ELAPOR1: variants seen among roughly 807,000 people sequenced by gnomAD.
ELAPOR1 encodes endosome-lysosome associated apoptosis and autophagy regulator 1.
A neutral mutation model predicts 119.7 loss-of-function variants in ELAPOR1; 77 were observed. That is an observed-to-expected ratio of 0.64 (90% confidence interval 0.54 to 0.78). The LOEUF is 0.78. ELAPOR1 is among the 30% of genes least tolerant of loss of function. The probability of loss-of-function intolerance (pLI) is 0.00; values close to 1 mark genes in which losing one functional copy is unlikely to be tolerated. For missense variants in ELAPOR1, 1,115 were observed against 1,270.4 expected (o/e 0.88, Z 1.86); for synonymous variants, 481 against 487.2 (o/e 0.99, Z 0.17).
At chr1:109,164,846 G>A (rs975931476) in intron 3 of ELAPOR1, among the ~76,000 whole-genome samples, 155 bp downstream of exon 3, 11 of 152,196 alleles carry the variant, frequency 7.2e-5, no homozygotes, top group Admixed American at 5.9e-4. Flanking sequence ...AGCTGTGCCC[G>A]CAAGACCAGT....
chr1:109,186,930 G>A (rs1271736371), intron 8 of ELAPOR1: 32 of 985,408 alleles, frequency 3.2e-5, no homozygotes, highest in Non-Finnish European at 3.9e-5. Flanking sequence ...CCGCCTTGCA[G>A]CACAGCCAAG....
chr1:109,139,986 C>G (rs550438043), intron 1 of ELAPOR1, among the ~76,000 whole-genome samples: 1 of 152,308 alleles, frequency 6.6e-6, no homozygotes, highest in East Asian at 1.9e-4. Flanking sequence ...TGGTCTCGAA[C>G]TCCTGAGCTC....
At chr1:109,188,113 G>A (rs2101103144) in intron 8 of ELAPOR1, 64 bp from the exon 9 acceptor site, 3 of 1,539,614 alleles carry the variant, frequency 1.9e-6, no homozygotes, top group Non-Finnish European at 2.6e-6. Context: ...CTATCCTCAA[G>A]GTAGAGTCCC....
intron 1 of ELAPOR1, 152 bp downstream of exon 1, chr1:109,114,488 C>A: frequency 1.1e-6 from 1 of 920,180 alleles, no homozygotes; most frequent in Non-Finnish European, 1.6e-6. Flanking sequence ...AGGAGCCAGT[C>A]TGGCGTCATG....
chr1:109,114,155 C>G lies in ELAPOR1; in HGVS notation c.-29C>G. 6.6e-7 allele frequency: 1 copy of G among 1,516,514 alleles called. No individual in the cohort carries two copies. Among genetic ancestry groups the G allele is most frequent in the Non-Finnish European group, 8.9e-7 (1 of 1,128,456 alleles). 93.9% of individuals were successfully genotyped at this position (1,516,514 alleles called of 1,614,324 possible). ...GAAGCAGCAGCCGCAGCACCTGAGC[C>G]GCTACTGCCGCTCACTCAGGACAAC... is the stretch of plus-strand genomic sequence containing the variant. On this transcript the variant is annotated 5_prime_UTR_variant, in exon 1 of 22. Coordinates refer to ENST00000369939, the MANE Select transcript of ELAPOR1 (RefSeq NM_020775.5).
chr1:109,203,217 CTTTG>C lies in ELAPOR1; in HGVS notation c.*211_*214del. The C allele has an allele frequency of 5.6e-6, 3 of 539,488 alleles. No individual in the cohort carries two copies. Among genetic ancestry groups the C allele is most frequent in the South Asian group, 2.8e-5 (1 of 36,040 alleles). 33.4% of individuals were successfully genotyped at this position (539,488 alleles called of 1,614,324 possible). On this transcript the variant is annotated 3_prime_UTR_variant, in exon 22 of 22. Coordinates refer to ENST00000369939, the MANE Select transcript of ELAPOR1 (RefSeq NM_020775.5). ...CTCAAACCTGCCAAATATACCCACA[CTTTG>C]TTTGTAAATTATGCCCTTGCTTGTA... is the stretch of plus-strand genomic sequence containing the variant.
At position 109,185,223 on chromosome 1, in the gene ELAPOR1, A is replaced by G. The variant is rs1652973698; in HGVS notation, c.1041+90A>G. The G allele has an allele frequency of 2.4e-5, 24 of 1,000,020 alleles. No individual in the cohort carries two copies. The South Asian group carries it at 3.1e-4, about 13-fold the overall frequency. 61.9% of individuals were successfully genotyped at this position (1,000,020 alleles called of 1,614,324 possible). The stretch of plus-strand genomic sequence containing the variant: ...CCACCATTTGGAACTTCAGCAGTCA[A>G]TGACATTGGCACTAGTTAAAACCCC... On this transcript the variant is annotated intron_variant, in intron 8 of 21. Coordinates refer to ENST00000369939, the MANE Select transcript of ELAPOR1 (RefSeq NM_020775.5).
rs5776967 is a variant in ELAPOR1 at position 109,197,688 on chromosome 1, AGTGT to A, written c.2302+57_2302+60del. 2.3e-3 allele frequency: 3,066 copies of A among 1,349,264 alleles called. 2 individuals carry two copies. Among genetic ancestry groups the A allele is most frequent in the Middle Eastern group, 5.3e-3 (26 of 4,888 alleles). 83.6% of individuals were successfully genotyped at this position (1,349,264 alleles called of 1,614,324 possible). ...CTCCGCTGCCTCAGCCTTGTTTGAG[AGTGT>A]GTGTGTGTGTGTGTGTGTGTGTATG... is the stretch of plus-strand genomic sequence containing the variant. On this transcript the variant is annotated intron_variant, in intron 16 of 21. Transcript: ENST00000369939.
At chr1:109,165,205 T>C (rs1651510549) in intron 3 of ELAPOR1, among the ~76,000 whole-genome samples, 1 of 152,168 alleles carries the variant, frequency 6.6e-6, no homozygotes, top group Non-Finnish European at 1.5e-5. Flanking sequence ...GGCAAGAGGA[T>C]AACTTGAGCC....
rs142336293 is a variant in ELAPOR1 at position 109,152,113 on chromosome 1, A to G, written c.154-9781A>G. 9.8e-3 allele frequency among the ~76,000 whole-genome samples: 1,494 copies of G among 152,202 alleles called. 47 individuals are homozygous for G. The highest frequency in any genetic ancestry group is 0.06 in the Admixed American group (910 of 15,274). On this transcript the variant is annotated intron_variant, in intron 1 of 21. Coordinates refer to ENST00000369939, the MANE Select transcript of ELAPOR1 (RefSeq NM_020775.5). ...GGTCTTGAACTCCTGGCCTCAAGCA[A>G]TCCTTCTGCCCTGGCCTCCCAAAGT... is the stretch of plus-strand genomic sequence containing the variant.
intron 4 of ELAPOR1, 59 bp downstream of exon 4, chr1:109,172,072 C>T (rs1221351299): frequency 3.2e-6 from 5 of 1,577,658 alleles, no homozygotes; most frequent in Non-Finnish European, 4.4e-6. Context: ...GGTTCAGATC[C>T]GTTTGAGGAA....
chr1:109,132,643 G>A (rs2100982654), intron 1 of ELAPOR1, among the ~76,000 whole-genome samples: 1 of 152,286 alleles, frequency 6.6e-6, no homozygotes, highest in East Asian at 1.9e-4. Flanking sequence ...AGCGAGGCCT[G>A]AAGAATGTCC....
In ELAPOR1 at chr1:109,155,987, T is replaced by A. The variant is rs544192594; in HGVS notation, c.154-5907T>A. Reference sequence around the variant, plus strand: ...GCAAGACCCCATCTCTGCAAAAAAATTTTTTTAATTAGCCAGATACAGTGG... The same window carrying A: ...GCAAGACCCCATCTCTGCAAAAAAAATTTTTTAATTAGCCAGATACAGTGG... On this transcript the variant is annotated intron_variant, in intron 1 of 21. Coordinates refer to ENST00000369939, the MANE Select transcript of ELAPOR1 (RefSeq NM_020775.5). Among the ~76,000 whole-genome samples, 271 of 151,932 alleles carry A rather than the reference T, an allele frequency of 1.8e-3. 2 individuals are homozygous for A. The highest frequency in any genetic ancestry group is 2.9e-3 in the Non-Finnish European group (194 of 67,988).
intron 1 of ELAPOR1, among the ~76,000 whole-genome samples, chr1:109,150,050 T>C (rs927722198): frequency 2.6e-5 from 4 of 152,200 alleles, no homozygotes; most frequent in Non-Finnish European, 5.9e-5. Flanking sequence ...GACTGGTCAG[T>C]GTTTTCCAAG....
chr1:109,200,895 T>A lies in ELAPOR1; in HGVS notation c.2968T>A (p.Ser990Thr). ...CTTTGGGAAGATCAAATCATTTACC[T>A]CCAAGGTAGGGGTCCTGGCCAGTGC... ...SLFGKIKSFTSKRTPDGFDSV... is the reference protein window; with the variant it reads ...SLFGKIKSFTTKRTPDGFDSV... The change falls in exon 21 of 22, where the codon TCC becomes ACC. Residue 990 changes from serine to threonine, a missense_variant. Transcript: ENST00000369939. 1 of 1,613,620 alleles carries A rather than the reference T, an allele frequency of 6.2e-7. No homozygotes were observed. Among genetic ancestry groups the A allele is most frequent in the South Asian group, 1.1e-5 (1 of 91,006 alleles).
chr1:109,184,705 G>C lies in ELAPOR1; in HGVS notation c.953-340G>C, dbSNP rs1652940033. Among the ~76,000 whole-genome samples the C allele has an allele frequency of 2.0e-5, 3 of 152,230 alleles. No homozygotes were observed. In the South Asian group the frequency reaches 6.2e-4, roughly 31 times the overall value. The stretch of plus-strand genomic sequence containing the variant: ...GTTTCAGGGAACTTAGGTTGGCAGT[G>C]GTTAACCTGCAAGAAGCTGTTTCCG... On this transcript the variant is annotated intron_variant, in intron 7 of 21. Transcript: ENST00000369939.
At chr1:109,123,056 G>A (rs1207671748) in intron 1 of ELAPOR1, among the ~76,000 whole-genome samples, 1 of 152,210 alleles carries the variant, frequency 6.6e-6, no homozygotes, top group East Asian at 1.9e-4. Flanking sequence ...ACTGGGCTAG[G>A]GCAGCGTGGC....
intron 2 of ELAPOR1, among the ~76,000 whole-genome samples, chr1:109,162,954 G>A (rs1182086483): frequency 1.3e-5 from 2 of 152,262 alleles, no homozygotes; most frequent in Admixed American, 6.5e-5. Flanking sequence ...TAGGGTGGTG[G>A]AAAGTGCAGA....
At position 109,140,626 on chromosome 1, in the gene ELAPOR1, G is replaced by A. The variant is rs137871364; in HGVS notation, c.154-21268G>A. ...TCAGTAGCAATGCACATGGAGAGAGGTGGACTGACTCAAGAAGTGTTTTGG... is the reference window on the plus strand; with the variant it reads ...TCAGTAGCAATGCACATGGAGAGAGATGGACTGACTCAAGAAGTGTTTTGG... On this transcript the variant is annotated intron_variant, in intron 1 of 21. Transcript: ENST00000369939. Among the ~76,000 whole-genome samples the A allele has an allele frequency of 6.0e-4, 91 of 152,280 alleles. 1 individual carries two copies. The East Asian group carries it at 0.017, about 28-fold the overall frequency.
Sources: gnomAD v4.1 joint callset for allele counts (sites outside exome capture counted in the v4.1 genomes callset) on GRCh38, gnomAD v4.1.1 for gene constraint, MANE v1.5 for transcripts, NCBI Gene and HGNC (gene_info 2026-07-23, HGNC 2026-07-21) for gene names.